CELF2: variants seen among roughly 807,000 people sequenced by gnomAD.
The protein encoded by CELF2 is CUG triplet repeat RNA-binding protein 2.
CELF2 carries 8 observed loss-of-function variants against 62.6 expected under a neutral mutation model. The ratio of observed to expected loss-of-function variants is 0.13; its 90% CI spans 0.07 to 0.23. CELF2 has a LOEUF of 0.23. Among genes scored for constraint, CELF2 ranks in the 10% least tolerant of loss-of-function variants. The pLI is 1.00. For missense variants in CELF2, 333 were observed against 671.0 expected (o/e 0.50, Z 5.56); for synonymous variants, 258 against 250.0 (o/e 1.03, Z -0.30).
intron 1 of CELF2, among the ~76,000 whole-genome samples, chr10:11,086,069 A>G (rs2046629080): frequency 6.6e-6 from 1 of 152,212 alleles, no homozygotes; most frequent in South Asian, 2.1e-4. Flanking sequence ...AACAATTTGC[A>G]ATCAAAATAT....
At chr10:10,677,469 A>G in the CELF2 span, among the ~76,000 whole-genome samples, 7 of 152,328 alleles carry the variant, frequency 4.6e-5, no homozygotes, top group Non-Finnish European at 1.0e-4. Context: ...AGACGGTCAC[A>G]ATCAGAATTA....
intron 9 of CELF2, among the ~76,000 whole-genome samples, chr10:11,291,679 C>T (rs778350644): frequency 1.3e-5 from 2 of 152,098 alleles, no homozygotes; most frequent in African/African-American, 4.8e-5. Flanking sequence ...ACCCCAGTCT[C>T]CTATTTAGTT....
chr10:10,824,463 G>T (rs115243030), intron 1 of CELF2, among the ~76,000 whole-genome samples: 3,138 of 152,246 alleles, frequency 0.021, 113 homozygotes, highest in African/African-American at 0.072. Context: ...GCAGAGAAAA[G>T]AATAAAATGA....
rs200542866 is a variant in CELF2, at chr10:11,018,067, T to C, written c.-23T>C. On this transcript the variant is annotated 5_prime_UTR_variant, in exon 1 of 13. Coordinates refer to ENST00000633077, the MANE Select transcript of CELF2 (RefSeq NM_001326342.2). ...CGCGCGCAGAGCCGCCCCCCGCCGCTGCCGCCGCGTGCGCCCGCGAACATG... is the reference window on the plus strand; with the variant it reads ...CGCGCGCAGAGCCGCCCCCCGCCGCCGCCGCCGCGTGCGCCCGCGAACATG... 2.6e-5 allele frequency: 37 copies of C among 1,432,690 alleles called. No individual in the cohort carries two copies. In the East Asian group the frequency reaches 8.9e-4, roughly 34 times the overall value. 88.7% of individuals were successfully genotyped at this position (1,432,690 alleles called of 1,614,324 possible).
the CELF2 span, among the ~76,000 whole-genome samples, chr10:10,787,027 C>A: frequency 6.6e-6 from 1 of 152,014 alleles, no homozygotes; most frequent in South Asian, 2.1e-4. Flanking sequence ...ATTTGAGATA[C>A]CCACTTCATG....
the CELF2 span, among the ~76,000 whole-genome samples, chr10:10,575,039 G>A: frequency 2.6e-5 from 4 of 151,988 alleles, no homozygotes; most frequent in Admixed American, 2.0e-4. Context: ...TTAAATTCAA[G>A]CAAATGGCTT....
chr10:10,598,121 G>A, the CELF2 span, among the ~76,000 whole-genome samples: 3 of 152,162 alleles, frequency 2.0e-5, no homozygotes, highest in African/African-American at 7.2e-5. Flanking sequence ...TCCAGAGAGA[G>A]TTGGGGTCCT....
exon 1 of CELF2, chr10:10,798,650 G>A: frequency 2.5e-6 from 1 of 398,232 alleles, no homozygotes; most frequent in Non-Finnish European, 4.4e-6. Flanking sequence ...AGCCCGGGAA[G>A]GAGGGAGCCG....
intron 8 of CELF2, among the ~76,000 whole-genome samples, chr10:11,287,055 T>A (rs2091492825): frequency 6.6e-6 from 1 of 152,170 alleles, no homozygotes; most frequent in Non-Finnish European, 1.5e-5. Flanking sequence ...CGCCCGTGGC[T>A]GGGGGCTTAC....
intron 2 of CELF2, chr10:10,927,346 T>TAAAAAAAAAAAAAAAAAAAAA (rs34283995): frequency 2.3e-5 from 2 of 85,842 alleles, no homozygotes; most frequent in Non-Finnish European, 4.0e-5. Context: ...CTAGTGACAT[T>TAAAAAAAAAAAAAAAAAAAAA]AAAAAAAAAA....
At chr10:10,573,990 T>C in the CELF2 span, among the ~76,000 whole-genome samples, 1 of 152,164 alleles carries the variant, frequency 6.6e-6, no homozygotes, top group South Asian at 2.1e-4. Context: ...TTGTTCTGCA[T>C]GTTCATAGTC....
chr10:11,318,566 G>T lies in CELF2; in HGVS notation c.1097-2623G>T. The T allele has an allele frequency of 1.1e-5, 4 of 367,446 alleles. No individual in the cohort carries two copies. Among genetic ancestry groups the T allele is most frequent in the East Asian group, 7.4e-5 (1 of 13,562 alleles). 22.8% of individuals were successfully genotyped at this position (367,446 alleles called of 1,614,324 possible). ...AGACACAGCCAGCCTCTGTGAAGTG[G>T]AGCCAGGAGAGAAGGATGTGGCTGG... is the stretch of plus-strand genomic sequence containing the variant. On this transcript the variant is annotated intron_variant, in intron 10 of 12. Coordinates refer to ENST00000633077, the MANE Select transcript of CELF2 (RefSeq NM_001326342.2). This position sits in a 1 kb window ranked among gnomAD's most constrained non-coding sequence, Gnocchi z 5.4.
At chr10:11,044,412 C>T (rs1316198841) in intron 1 of CELF2, among the ~76,000 whole-genome samples, 1 of 152,172 alleles carries the variant, frequency 6.6e-6, no homozygotes, top group African/African-American at 2.4e-5. Context: ...TCAGTCTTTG[C>T]TGCCAACCTA....
At chr10:10,620,010 G>A in the CELF2 span, among the ~76,000 whole-genome samples, 191 of 152,004 alleles carry the variant, frequency 1.3e-3, 1 homozygote, top group African/African-American at 4.4e-3. Context: ...CAAGTATCAC[G>A]AAAAATAAGG....
At chr10:10,762,009 C>G in the CELF2 span, among the ~76,000 whole-genome samples, 204 of 150,864 alleles carry the variant, frequency 1.4e-3, no homozygotes, top group African/African-American at 4.9e-3. Flanking sequence ...AGAGCCCTGA[C>G]GTAGACTAAA....
the CELF2 span, among the ~76,000 whole-genome samples, chr10:10,462,883 T>G: frequency 6.6e-6 from 1 of 152,074 alleles, no homozygotes; most frequent in Non-Finnish European, 1.5e-5. Context: ...AATGAGTTGT[T>G]GATTGTTTGG....
At chr10:10,639,358 G>T in the CELF2 span, among the ~76,000 whole-genome samples, 1 of 152,124 alleles carries the variant, frequency 6.6e-6, no homozygotes, top group South Asian at 2.1e-4. Context: ...TTTCCTCTTT[G>T]AATATTAAAA....
intron 1 of CELF2, among the ~76,000 whole-genome samples, chr10:10,848,860 G>A (rs1005411504): frequency 1.5e-4 from 23 of 152,078 alleles, no homozygotes; most frequent in African/African-American, 5.3e-4. Context: ...CATGTTTTAC[G>A]TAGGATTTGA....
intron 1 of CELF2, among the ~76,000 whole-genome samples, chr10:11,155,757 AT>A (rs2064241117): frequency 6.6e-6 from 1 of 152,118 alleles, no homozygotes; most frequent in Admixed American, 6.5e-5. Flanking sequence ...TCAACTTTTG[AT>A]TTTCCAGATC....
Sources: allele counts gnomAD v4.1 joint callset (sites outside exome capture counted in the v4.1 genomes callset), GRCh38; gene constraint gnomAD v4.1.1; non-coding constraint Gnocchi (gnomAD v3.1); transcripts MANE v1.5; gene names NCBI Gene and HGNC (gene_info 2026-07-23, HGNC 2026-07-21).